SLC35F4: variants seen among roughly 807,000 people sequenced by gnomAD.
SLC35F4 encodes the protein solute carrier family 35 member F4.
A neutral mutation model predicts 44.2 loss-of-function variants in SLC35F4; 24 were observed. The ratio of observed to expected loss-of-function variants is 0.54; its 90% CI spans 0.39 to 0.76. SLC35F4 has a LOEUF of 0.76. Among genes scored for constraint, SLC35F4 ranks in the 30% least tolerant of loss-of-function variants. The pLI is 0.00. For missense variants in SLC35F4, 562 were observed against 586.1 expected, an observed-to-expected ratio of 0.96 and a Z score of 0.42; for synonymous variants, 238 against 223.6, an observed-to-expected ratio of 1.06 and a Z score of -0.57.
In SLC35F4 at chr14:57,916,956, T is replaced by G. The variant is rs962117421; in HGVS notation, n.282+64957A>C. 2.6e-5 allele frequency among the ~76,000 whole-genome samples: 4 copies of G among 152,148 alleles called. No individual in the cohort carries two copies. The East Asian group carries it at 7.7e-4, about 29-fold the overall frequency. ...AAGTCATTCTTCATTTATGTTAGAG[T>G]TTTTGATCTCCATTATTACTTTTTT... On this transcript the variant is annotated intron_variant and non_coding_transcript_variant, in intron 1 of 1. Coordinates refer to the SLC35F4 transcript ENST00000556568.
intron 1 of SLC35F4, among the ~76,000 whole-genome samples, chr14:57,654,185 G>C (rs901274090): frequency 6.6e-6 from 1 of 152,056 alleles, no homozygotes; most frequent in Non-Finnish European, 1.5e-5. Flanking sequence ...GGTGGTTTTG[G>C]CTTACATGAA....
In SLC35F4 at chr14:57,806,059, C is replaced by T. The variant is rs543602421; in HGVS notation, c.103+59664G>A. On this transcript the variant is annotated intron_variant, in intron 1 of 7. Transcript: ENST00000556826. ...GAATATGCTCTATTCAAATAAAATA[C>T]CACTGGAAATTACATTTCCTAAATG... 2.6e-5 allele frequency among the ~76,000 whole-genome samples: 4 copies of T among 152,204 alleles called. No homozygotes were observed. The East Asian group carries it at 7.7e-4, about 29-fold the overall frequency.
chr14:57,946,286 T>C (rs1050921230), intron 1 of SLC35F4, among the ~76,000 whole-genome samples: 2 of 152,118 alleles, frequency 1.3e-5, no homozygotes, highest in African/African-American at 4.8e-5. Context: ...TTGATCCATC[T>C]TGAGTTGATT....
At chr14:57,580,053 T>C (rs2069133139) in intron 4 of SLC35F4, among the ~76,000 whole-genome samples, 1 of 152,182 alleles carries the variant, frequency 6.6e-6, no homozygotes, top group African/African-American at 2.4e-5. Flanking sequence ...CAGTAAAGAA[T>C]GTAGTGTCAC....
chr14:57,914,115 G>T (rs1254982269), intron 1 of SLC35F4, among the ~76,000 whole-genome samples: 2 of 152,140 alleles, frequency 1.3e-5, no homozygotes, highest in Non-Finnish European at 2.9e-5. Context: ...AATACCACCA[G>T]TGGGTAACTT....
intron 2 of SLC35F4, 76 bp downstream of exon 2, chr14:57,593,863 T>C (rs2070336467): frequency 1.3e-6 from 2 of 1,505,088 alleles, no homozygotes; most frequent in African/African-American, 1.4e-5. Flanking sequence ...CTCTGCATTC[T>C]GTGACAATGG....
chr14:57,763,580 T>C (rs1034882516), intron 1 of SLC35F4, among the ~76,000 whole-genome samples: 5 of 152,176 alleles, frequency 3.3e-5, no homozygotes, highest in Admixed American at 6.5e-5. Context: ...GAGGATTAAA[T>C]GACTTGGTGC....
chr14:57,878,740 T>C (rs142026666), intron 1 of SLC35F4, among the ~76,000 whole-genome samples: 40 of 152,260 alleles, frequency 2.6e-4, no homozygotes, highest in African/African-American at 8.9e-4. Context: ...TTTTTTATTG[T>C]TGTTGTTCAC....
intron 1 of SLC35F4, among the ~76,000 whole-genome samples, chr14:57,950,519 T>C (rs550570039): frequency 5.3e-5 from 8 of 152,232 alleles, no homozygotes; most frequent in Admixed American, 3.9e-4. Context: ...CTGAAATTTT[T>C]CTCTGGCAAT....
intron 5 of SLC35F4, among the ~76,000 whole-genome samples, chr14:57,570,672 A>G (rs1463697572): frequency 6.6e-6 from 1 of 152,214 alleles, no homozygotes; most frequent in Non-Finnish European, 1.5e-5. Context: ...TCCTGTAACA[A>G]CACAGAGTGA....
intron 1 of SLC35F4, among the ~76,000 whole-genome samples, chr14:57,850,272 T>C (rs1442258649): frequency 6.6e-6 from 1 of 152,206 alleles, no homozygotes; most frequent in Non-Finnish European, 1.5e-5. Context: ...TGCACATTAA[T>C]ATGACTTGCT....
At chr14:57,818,537 A>C (rs1251945269) in intron 1 of SLC35F4, among the ~76,000 whole-genome samples, 1 of 152,194 alleles carries the variant, frequency 6.6e-6, no homozygotes, top group Admixed American at 6.5e-5. Flanking sequence ...GAGCAGAAAG[A>C]AGAGTGTCTG....
At chr14:57,865,271 C>G (rs1451474768) in intron 1 of SLC35F4, among the ~76,000 whole-genome samples, 1 of 152,102 alleles carries the variant, frequency 6.6e-6, no homozygotes, top group African/African-American at 2.4e-5. Flanking sequence ...GTCGGCCGCC[C>G]CCGCCAGCCC....
chr14:57,777,948 G>T (rs1595037513), intron 1 of SLC35F4, among the ~76,000 whole-genome samples: 1 of 152,096 alleles, frequency 6.6e-6, no homozygotes, highest in East Asian at 1.9e-4. Context: ...AGTAAGGTTG[G>T]TGACATGGTT....
intron 1 of SLC35F4, among the ~76,000 whole-genome samples, chr14:57,920,335 G>C (rs528561606): frequency 6.6e-6 from 1 of 152,286 alleles, no homozygotes; most frequent in Admixed American, 6.5e-5. Context: ...AGCACTTTGA[G>C]AAGTCAACGC....
chr14:57,703,059 T>G (rs1220224103), intron 1 of SLC35F4, among the ~76,000 whole-genome samples: 2 of 152,192 alleles, frequency 1.3e-5, no homozygotes, highest in Non-Finnish European at 2.9e-5. Context: ...CCAGCTCTTC[T>G]GCTAAGCCAG....
intron 1 of SLC35F4, among the ~76,000 whole-genome samples, chr14:57,946,206 A>G (rs888919715): frequency 3.3e-5 from 5 of 152,122 alleles, no homozygotes; most frequent in Non-Finnish European, 7.3e-5. Context: ...GCCTAAGCCA[A>G]TGTCTAAAAG....
intron 1 of SLC35F4, among the ~76,000 whole-genome samples, chr14:57,659,712 G>T (rs890774936): frequency 2.0e-5 from 3 of 152,084 alleles, no homozygotes; most frequent in Admixed American, 1.3e-4. Flanking sequence ...ATATAGCTGA[G>T]GGTTGTACTT....
chr14:57,964,754 C>T (rs999022832), intron 1 of SLC35F4, among the ~76,000 whole-genome samples: 2 of 151,972 alleles, frequency 1.3e-5, no homozygotes, highest in Admixed American at 6.6e-5. Flanking sequence ...CTCAGAACCA[C>T]AGGCACCATG....
Sources: allele counts gnomAD v4.1 joint callset (sites outside exome capture counted in the v4.1 genomes callset), GRCh38; gene constraint gnomAD v4.1.1; transcripts MANE v1.5; gene names NCBI Gene and HGNC (gene_info 2026-07-23, HGNC 2026-07-21).